FER: variants seen among roughly 807,000 people sequenced by gnomAD.
The protein encoded by FER is tyrosine-protein kinase Fer.
A neutral mutation model predicts 111.0 loss-of-function variants in FER; 63 were observed. The observed-to-expected ratio is 0.57, with a 90% CI of 0.46 to 0.70. FER has a LOEUF of 0.70. Ranked by LOEUF, FER falls within the 30% of genes least tolerant of loss-of-function variation. FER has a pLI of 0.00. For synonymous variants in FER, 327 were observed against 313.9 expected, an observed-to-expected ratio of 1.04 and a Z score of -0.44; for missense variants, 914 against 954.0, an observed-to-expected ratio of 0.96 and a Z score of 0.55.
intron 17 of FER, among the ~76,000 whole-genome samples, chr5:109,132,769 G>T (rs987655702): frequency 6.6e-6 from 1 of 152,154 alleles, no homozygotes; most frequent in Non-Finnish European, 1.5e-5. Context: ...TTGGAATATA[G>T]CCCAGATGGC....
intron 17 of FER, among the ~76,000 whole-genome samples, chr5:109,118,122 T>G (rs990426993): frequency 2.0e-5 from 3 of 152,154 alleles, no homozygotes; most frequent in Non-Finnish European, 2.9e-5. Flanking sequence ...TTTTGCCCAT[T>G]CAGTATGATA....
At chr5:109,063,312 G>T (rs1478301704) in intron 16 of FER, among the ~76,000 whole-genome samples, 1 of 152,136 alleles carries the variant, frequency 6.6e-6, no homozygotes, top group Admixed American at 6.5e-5. Context: ...TTAACAGTCA[G>T]TTTCAGTTAT....
chr5:108,770,406 C>A (rs1482720734), intron 2 of FER, among the ~76,000 whole-genome samples: 1 of 152,012 alleles, frequency 6.6e-6, no homozygotes, highest in Non-Finnish European at 1.5e-5. Context: ...TTGGCCAGTC[C>A]GAAATCTTCC....
chr5:108,857,993 GA>G (rs1763161641), intron 5 of FER, among the ~76,000 whole-genome samples: 1 of 152,076 alleles, frequency 6.6e-6, no homozygotes, highest in Non-Finnish European at 1.5e-5. Flanking sequence ...ATTATATTTG[GA>G]AAACAGTATC....
chr5:109,046,052 T>G, intron 15 of FER, among the ~76,000 whole-genome samples: 1 of 152,182 alleles, frequency 6.6e-6, no homozygotes, highest in East Asian at 1.9e-4. Flanking sequence ...TTTTCTTAAC[T>G]CTTTAGGGAC....
At chr5:109,013,682 T>C (rs1023479988) in intron 13 of FER, among the ~76,000 whole-genome samples, 1 of 151,918 alleles carries the variant, frequency 6.6e-6, no homozygotes, top group Non-Finnish European at 1.5e-5. Flanking sequence ...TTGAACTAGT[T>C]TACAGTCCCA....
chr5:108,749,070 G>T, intron 1 of FER: 1 of 152,750 alleles, frequency 6.5e-6, no homozygotes, highest in Non-Finnish European at 1.5e-5. Context: ...GAGGAGGGAA[G>T]GCAAGCCTAG....
intron 17 of FER, among the ~76,000 whole-genome samples, chr5:109,176,959 CAT>C (rs1757767704): frequency 6.6e-6 from 1 of 152,098 alleles, no homozygotes; most frequent in Admixed American, 6.5e-5. Flanking sequence ...CAAATATATA[CAT>C]GTAGTACAAG....
intron 10 of FER, among the ~76,000 whole-genome samples, chr5:108,944,762 T>C (rs530792623): frequency 6.3e-4 from 95 of 149,844 alleles, no homozygotes; most frequent in Admixed American, 2.9e-3. Context: ...ATTTGCATTT[T>C]GATTGCTGCT....
chr5:108,895,911 T>A (rs1254594121), intron 9 of FER, among the ~76,000 whole-genome samples: 1 of 152,180 alleles, frequency 6.6e-6, no homozygotes, highest in South Asian at 2.1e-4. Flanking sequence ...TTTGCAAAGT[T>A]TATTTTTATT....
At chr5:108,802,701 T>C (rs1401144317) in intron 3 of FER, among the ~76,000 whole-genome samples, 5 of 152,194 alleles carry the variant, frequency 3.3e-5, no homozygotes, top group Non-Finnish European at 7.4e-5. Context: ...CTTTCTTTTT[T>C]ATGACCATAT....
At chr5:109,141,150 C>T (rs1375740299) in intron 17 of FER, among the ~76,000 whole-genome samples, 2 of 152,092 alleles carry the variant, frequency 1.3e-5, no homozygotes, top group Non-Finnish European at 2.9e-5. Flanking sequence ...GTTAAGAACT[C>T]TACAGAATAC....
Position 109,188,911 on chromosome 5 carries a change from A to G in FER, c.*1336A>G, listed in dbSNP as rs1251686577. 6.7e-6 allele frequency: 1 copy of G among 150,044 alleles called. No homozygotes were observed. Among genetic ancestry groups the G allele is most frequent in the Non-Finnish European group, 1.5e-5 (1 of 67,156 alleles). 9.3% of individuals were successfully genotyped at this position (150,044 alleles called of 1,614,324 possible). A position where few individuals can be genotyped will look rare whatever the true frequency, so the allele number is the denominator to read the frequency against. On this transcript the variant is annotated 3_prime_UTR_variant, in exon 20 of 20. Transcript: ENST00000281092. ...TTCACCAACACATTCACGTGTGTAC[A>G]TGCGCGTGCACACACACCACCAAGG... is the stretch of plus-strand genomic sequence containing the variant.
Position 108,946,769 on chromosome 5 carries a change from G to A in FER, c.1329+547G>A, listed in dbSNP as rs183948083. ...AGCAGTTTGGCCATCTCATACACAT[G>A]AACAAACACACAGAAGAGTTTCTCT... On this transcript the variant is annotated intron_variant, in intron 11 of 19. Coordinates refer to ENST00000281092, the MANE Select transcript of FER (RefSeq NM_005246.4). Among the ~76,000 whole-genome samples the A allele has an allele frequency of 8.7e-5, 13 of 150,170 alleles. No homozygotes were observed. The East Asian group carries it at 2.0e-3, about 23-fold the overall frequency.
intron 5 of FER, among the ~76,000 whole-genome samples, chr5:108,845,598 CTTCTTT>C (rs765683169): frequency 9.9e-5 from 15 of 151,504 alleles, no homozygotes; most frequent in South Asian, 4.2e-4. Flanking sequence ...TTTTTTTCTC[CTTCTTT>C]TTCTTTTTCT....
At chr5:108,774,740 G>GT (rs200103724) in intron 2 of FER, among the ~76,000 whole-genome samples, 2,407 of 147,818 alleles carry the variant, frequency 0.016, 156 homozygotes, top group East Asian at 0.11. Context: ...TTTTAGAAGG[G>GT]TTTTTTTTTT....
At chr5:109,073,088 A>G (rs1252575742) in intron 16 of FER, among the ~76,000 whole-genome samples, 2 of 152,156 alleles carry the variant, frequency 1.3e-5, no homozygotes, top group Non-Finnish European at 2.9e-5. Context: ...ATCTGCAGAA[A>G]TCTTATTCCC....
intron 13 of FER, among the ~76,000 whole-genome samples, chr5:108,977,928 C>T (rs1007099425): frequency 3.3e-5 from 5 of 152,136 alleles, no homozygotes; most frequent in African/African-American, 1.2e-4. Context: ...TCACTGCAGC[C>T]CCTGCCTCCT....
intron 17 of FER, among the ~76,000 whole-genome samples, chr5:109,118,225 A>G (rs1186611787): frequency 9.9e-5 from 15 of 152,270 alleles, no homozygotes; most frequent in African/African-American, 3.4e-4. Flanking sequence ...AGCGTTGTTG[A>G]ATTTTGTCAA....
Sources: gnomAD v4.1 joint callset for allele counts (sites outside exome capture counted in the v4.1 genomes callset) on GRCh38, gnomAD v4.1.1 for gene constraint, MANE v1.5 for transcripts, NCBI Gene and HGNC (gene_info 2026-07-23, HGNC 2026-07-21) for gene names.